The following PCDHGA10 variants were observed in gnomAD, a reference collection of about 807,000 sequenced individuals.
The protein encoded by PCDHGA10 is protocadherin gamma subfamily A, 10.
Under a neutral mutation model 59.5 loss-of-function variants are expected in PCDHGA10, and 42 were observed. The observed-to-expected ratio is 0.71, with a 90% CI of 0.55 to 0.91. The LOEUF (loss-of-function observed/expected upper bound fraction) is 0.91. Ranked by LOEUF, PCDHGA10 falls within the 40% of genes least tolerant of loss-of-function variation. The pLI is 0.00. For synonymous variants in PCDHGA10, 511 were observed against 517.2 expected, an observed-to-expected ratio of 0.99 and a Z score of 0.16; for missense variants, 1,111 against 1,198.2, an observed-to-expected ratio of 0.93 and a Z score of 1.07.
At chr5:141,420,808 G>A (rs539942896) in intron 1 of PCDHGA10, among the ~76,000 whole-genome samples, 2 of 152,288 alleles carry the variant, frequency 1.3e-5, no homozygotes, top group Admixed American at 6.5e-5. Flanking sequence ...AATTAAGCAA[G>A]CCCTTTTAAT....
rs1216840918 is a variant in PCDHGA10, at chr5:141,476,285, G to C, written c.2437-18522G>C. The C allele has an allele frequency of 1.2e-6, 2 of 1,614,036 alleles. No individual in the cohort carries two copies. The highest frequency in any genetic ancestry group is 1.7e-6 in the Non-Finnish European group (2 of 1,180,032). ...CAACGTGGTCGCGAACCTTGGTTTG[G>C]ATCTCGGTAGCCTCTCAGCCCGCAG... On this transcript the variant is annotated intron_variant, in intron 1 of 3. Coordinates refer to ENST00000398610, the MANE Select transcript of PCDHGA10 (RefSeq NM_018913.3). This position sits in a 1 kb window ranked among gnomAD's most constrained non-coding sequence, Gnocchi z 7.6.
chr5:141,502,661 T>G (rs1440361647), intron 2 of PCDHGA10, among the ~76,000 whole-genome samples: 1 of 152,240 alleles, frequency 6.6e-6, no homozygotes. Flanking sequence ...CAACCCTTCA[T>G]GCAATTTTAG....
chr5:141,509,346 G>A (rs946395640), intron 3 of PCDHGA10, among the ~76,000 whole-genome samples: 7 of 152,194 alleles, frequency 4.6e-5, no homozygotes, highest in Non-Finnish European at 8.8e-5. Flanking sequence ...GCCTGGGCTG[G>A]CCTGGGCATC....
chr5:141,435,066 G>A (rs936110088), intron 1 of PCDHGA10, among the ~76,000 whole-genome samples: 3 of 151,920 alleles, frequency 2.0e-5, no homozygotes, highest in African/African-American at 7.3e-5. Context: ...GCAGTTTTGT[G>A]TAGACCGTCT....
chr5:141,497,240 GA>G (rs1221446648), intron 2 of PCDHGA10, among the ~76,000 whole-genome samples: 125 of 152,188 alleles, frequency 8.2e-4, no homozygotes, highest in African/African-American at 3.0e-3. Flanking sequence ...AGGCTTCTAG[GA>G]GGAGGTGACA....
At position 141,487,760 on chromosome 5, in the gene PCDHGA10, G is replaced by T; in HGVS notation, c.2437-7047G>T. On this transcript the variant is annotated intron_variant, in intron 1 of 3. Transcript: ENST00000398610. The surrounding 1 kb of genome is among the most constrained non-coding windows in gnomAD (Gnocchi z 5.0). Reference sequence around the variant, plus strand: ...TGTAAGAGGTAACTATGTGGTAGACGCTGTGCTTTGTAACTGTTTCGTGAA... The same window carrying T: ...TGTAAGAGGTAACTATGTGGTAGACTCTGTGCTTTGTAACTGTTTCGTGAA... 1 of 1,545,950 alleles carries T rather than the reference G, an allele frequency of 6.5e-7. No individual in the cohort carries two copies. The highest frequency in any genetic ancestry group is 1.4e-5 in the African/African-American group (1 of 73,162).
At chr5:141,466,022 T>C (rs1053231186) in intron 1 of PCDHGA10, among the ~76,000 whole-genome samples, 4 of 151,628 alleles carry the variant, frequency 2.6e-5, no homozygotes, top group African/African-American at 9.7e-5. Flanking sequence ...CTCGGGAGGG[T>C]GAGGCAGGAG....
At position 141,414,681 on chromosome 5, in the gene PCDHGA10, G is replaced by T. The variant is rs780836649; in HGVS notation, c.1506G>T (p.Gly502=). 2 of 1,613,836 alleles carry T rather than the reference G, an allele frequency of 1.2e-6. No individual in the cohort carries two copies. The highest frequency in any genetic ancestry group is 8.5e-7 in the Non-Finnish European group (1 of 1,179,896). The part of the protein sequence containing the change: ...IYSLAEDTIQ[G]VPLSSYISIN... ...CCCTGGCTGAAGACACCATCCAGGGGGTACCTCTGTCCTCATACATATCCA... is the reference window on the plus strand; with the variant it reads ...CCCTGGCTGAAGACACCATCCAGGGTGTACCTCTGTCCTCATACATATCCA... Residue 502 remains glycine (G), a synonymous_variant, in exon 1 of 4, where the codon GGG becomes GGT. Transcript: ENST00000398610.
Position 141,436,345 on chromosome 5 carries a change from G to A in PCDHGA10, c.2436+20734G>A, listed in dbSNP as rs930858667. 5.9e-4 allele frequency among the ~76,000 whole-genome samples: 90 copies of A among 152,212 alleles called. 1 individual carries two copies. Among genetic ancestry groups the A allele is most frequent in the African/African-American group, 1.7e-3 (69 of 41,540 alleles). ...GTTAGACCATATCTCAAATATCAGT[G>A]ACTTCAATCAACTATGTTTCCAGTT... On this transcript the variant is annotated intron_variant, in intron 1 of 3. Coordinates refer to ENST00000398610, the MANE Select transcript of PCDHGA10 (RefSeq NM_018913.3).
chr5:141,414,010 G>A lies in PCDHGA10; in HGVS notation c.835G>A (p.Gly279Arg), dbSNP rs1308472085. 2 of 1,612,990 alleles carry A rather than the reference G, an allele frequency of 1.2e-6. No homozygotes were observed. The highest frequency in any genetic ancestry group is 1.7e-6 in the Non-Finnish European group (2 of 1,179,688). The part of the protein sequence containing the change: ...TATDRDEGAN[G>R]EVTYSFRKLP... ...CACCGACAGGGACGAAGGTGCCAAT[G>A]GAGAAGTGACATATTCATTCCGAAA... is the stretch of plus-strand genomic sequence containing the variant. The change falls in exon 1 of 4, where the codon GGA becomes AGA. Residue 279 changes from glycine to arginine, a missense_variant. Transcript: ENST00000398610.
At chr5:141,464,604 G>A (rs1445968596) in intron 1 of PCDHGA10, among the ~76,000 whole-genome samples, 1 of 152,106 alleles carries the variant, frequency 6.6e-6, no homozygotes, top group East Asian at 1.9e-4. Context: ...AGTCTCCTTT[G>A]CAGAGTATAT....
rs4042104 is a variant in PCDHGA10 at position 141,489,091 on chromosome 5, T to TAAG, written c.2437-5713_2437-5711dup. On this transcript the variant is annotated intron_variant, in intron 1 of 3. Transcript: ENST00000398610. This position sits in a 1 kb window ranked among gnomAD's most constrained non-coding sequence, Gnocchi z 4.5. Reference sequence around the variant, plus strand: ...CTGCCCACCCCCGCCACTCGGTGACTAAGAACTGCTGCAAGCAGGCAAACC... The same window carrying TAAG: ...CTGCCCACCCCCGCCACTCGGTGACTAAGAAGAACTGCTGCAAGCAGGCAAACC... 136,009 of 332,164 alleles carry TAAG rather than the reference T, an allele frequency of 0.41. 28,517 individuals are homozygous for TAAG. The highest frequency in any genetic ancestry group is 0.54 in the Admixed American group (11,651 of 21,676). The allele number at this position is 332,164 out of a possible 1,614,324, so 20.6% of individuals were successfully genotyped here.
At chr5:141,441,554 G>T (rs3805698) in intron 1 of PCDHGA10, 21,236 of 192,824 alleles carry the variant, frequency 0.11, 1,386 homozygotes, top group African/African-American at 0.18. Flanking sequence ...TCCATAGTGT[G>T]CAAGTAGACA....
At chr5:141,422,724 G>A (rs560544401) in intron 1 of PCDHGA10, 9 of 1,606,016 alleles carry the variant, frequency 5.6e-6, no homozygotes, top group East Asian at 2.2e-5. Flanking sequence ...CTGTCCAGGG[G>A]GTGCCTCTGT....
Position 141,431,112 on chromosome 5 carries a change from GAGTAGA to G in PCDHGA10, c.2436+15512_2436+15517del, listed in dbSNP as rs764068262. On this transcript the variant is annotated intron_variant, in intron 1 of 3. Transcript: ENST00000398610. The surrounding 1 kb of genome is among the most constrained non-coding windows in gnomAD (Gnocchi z 4.8). ...ATGGAGGATAAAGTGAAAATATATG[GAGTAGA>G]AGTAGAAGTAAGGGACATTAACGAC... The G allele has an allele frequency of 1.7e-5, 28 of 1,614,128 alleles. No individual in the cohort carries two copies. The highest frequency in any genetic ancestry group is 3.3e-5 in the South Asian group (3 of 91,092).
intron 3 of PCDHGA10, among the ~76,000 whole-genome samples, chr5:141,509,045 GC>G (rs1165443091): frequency 6.6e-6 from 1 of 152,060 alleles, no homozygotes; most frequent in Non-Finnish European, 1.5e-5. Context: ...CCTCTCCCCC[GC>G]CCCCAGAAAG....
chr5:141,421,203 G>T, intron 1 of PCDHGA10: 1 of 1,522,612 alleles, frequency 6.6e-7, no homozygotes, highest in Non-Finnish European at 8.8e-7. Flanking sequence ...TCGAGAAACC[G>T]CGGAATATCG....
chr5:141,502,655 C>T (rs72790073), intron 2 of PCDHGA10, among the ~76,000 whole-genome samples: 29,437 of 152,034 alleles, frequency 0.19, 2,877 homozygotes, highest in Middle Eastern at 0.24. Context: ...AGGCAGCAAC[C>T]CTTCATGCAA....
intron 1 of PCDHGA10, among the ~76,000 whole-genome samples, chr5:141,488,434 C>T (rs1231743982): frequency 2.6e-5 from 4 of 152,166 alleles, no homozygotes; most frequent in African/African-American, 7.2e-5. Flanking sequence ...TGGCCTCTGA[C>T]CACCCTCCTG....
Sources: allele counts gnomAD v4.1 joint callset (sites outside exome capture counted in the v4.1 genomes callset), GRCh38; gene constraint gnomAD v4.1.1; non-coding constraint Gnocchi (gnomAD v3.1); transcripts MANE v1.5; gene names NCBI Gene and HGNC (gene_info 2026-07-23, HGNC 2026-07-21).